The following SPIN1 variants were observed in gnomAD, a reference collection of about 807,000 sequenced individuals.
SPIN1 encodes spindlin 1.
A neutral mutation model predicts 26.0 loss-of-function variants in SPIN1; 3 were observed. The ratio of observed to expected loss-of-function variants is 0.12; its 90% CI spans 0.05 to 0.30. The LOEUF (loss-of-function observed/expected upper bound fraction) is 0.30. Ranked by LOEUF, SPIN1 falls within the 10% of genes least tolerant of loss-of-function variation. SPIN1 has a pLI of 1.00. For synonymous variants in SPIN1, 101 were observed against 116.5 expected, an observed-to-expected ratio of 0.87 and a Z score of 0.86; for missense variants, 126 against 333.4, an observed-to-expected ratio of 0.38 and a Z score of 4.84.
In SPIN1 at chr9:88,471,391, G is replaced by A. The variant is rs555650406; in HGVS notation, c.589+2786G>A. ...TGAATGGTTTTGGCATCCTTGTTGCGCGGTGGCTCACACCTGTAATCCCAG... is the reference window on the plus strand; with the variant it reads ...TGAATGGTTTTGGCATCCTTGTTGCACGGTGGCTCACACCTGTAATCCCAG... On this transcript the variant is annotated intron_variant, in intron 5 of 5. Transcript: ENST00000375859. 1.5e-4 allele frequency among the ~76,000 whole-genome samples: 23 copies of A among 151,780 alleles called. 2 individuals carry two copies. Among genetic ancestry groups the A allele is most frequent in the African/African-American group, 4.8e-4 (20 of 41,410 alleles).
intron 1 of SPIN1, among the ~76,000 whole-genome samples, chr9:88,405,065 G>C (rs1388566948): frequency 6.6e-6 from 1 of 151,970 alleles, no homozygotes; most frequent in East Asian, 1.9e-4. Flanking sequence ...CTTTCTTCTG[G>C]AGTACCTCCT....
chr9:88,405,476 C>G (rs1012261169), intron 1 of SPIN1, among the ~76,000 whole-genome samples: 2 of 151,642 alleles, frequency 1.3e-5, no homozygotes, highest in Non-Finnish European at 2.9e-5. Flanking sequence ...ATCCGCCCAC[C>G]TCGCCCTCCC....
chr9:88,477,433 A>C lies in SPIN1; in HGVS notation c.*2156A>C, dbSNP rs879789137. ...ACTTTAATGACTTTTTTTATACCACATGGTCTCCCAGTTTCTAGATGAATG... is the reference window on the plus strand; with the variant it reads ...ACTTTAATGACTTTTTTTATACCACCTGGTCTCCCAGTTTCTAGATGAATG... On this transcript the variant is annotated 3_prime_UTR_variant, in exon 6 of 6. Transcript: ENST00000375859. 1.3e-5 allele frequency: 2 copies of C among 152,204 alleles called. No individual in the cohort carries two copies. The highest frequency in any genetic ancestry group is 1.3e-4 in the Admixed American group (2 of 15,274). The allele number at this position is 152,204 out of a possible 1,614,324, so 9.4% of individuals were successfully genotyped here. A position where few individuals can be genotyped will look rare whatever the true frequency, so the allele number is the denominator to read the frequency against.
chr9:88,438,696 A>G (rs1246472548), intron 2 of SPIN1, among the ~76,000 whole-genome samples: 1 of 152,232 alleles, frequency 6.6e-6, no homozygotes, highest in Non-Finnish European at 1.5e-5. Flanking sequence ...CCATAACCAT[A>G]ATATAGGTTG....
At chr9:88,411,140 A>G (rs1287399652) in intron 1 of SPIN1, 38 of 1,498,654 alleles carry the variant, frequency 2.5e-5, no homozygotes, top group African/African-American at 5.5e-5. Flanking sequence ...GCCACCAACA[A>G]ATATCTTTTT....
chr9:88,434,496 C>T (rs1827959344), intron 2 of SPIN1, among the ~76,000 whole-genome samples: 1 of 151,800 alleles, frequency 6.6e-6, no homozygotes, highest in Non-Finnish European at 1.5e-5. Flanking sequence ...CTTCTGTTTT[C>T]CACTGGAAAG....
chr9:88,457,923 A>T, intron 3 of SPIN1: 1 of 985,320 alleles, frequency 1.0e-6, no homozygotes, highest in African/African-American at 1.7e-5. Flanking sequence ...ACCAATTTGT[A>T]ACAAAAGTCT....
At position 88,469,609 on chromosome 9, in the gene SPIN1, C is replaced by T. The variant is rs181017351; in HGVS notation, c.589+1004C>T. 1.7e-3 allele frequency among the ~76,000 whole-genome samples: 258 copies of T among 152,028 alleles called. 3 individuals are homozygous for T. The East Asian group carries it at 0.036, about 21-fold the overall frequency. On this transcript the variant is annotated intron_variant, in intron 5 of 5. Transcript: ENST00000375859. ...GGCTCACTGCAACCTCCGCCTCCCA[C>T]GCTCAAGCGAGTCTTCTGCCCCAGC...
At chr9:88,399,874 G>T (rs563771714) in intron 1 of SPIN1, among the ~76,000 whole-genome samples, 1 of 152,180 alleles carries the variant, frequency 6.6e-6, no homozygotes, top group African/African-American at 2.4e-5. Context: ...GGACCCGAAG[G>T]TTTCTGTGAC....
At chr9:88,440,110 A>C (rs887596368) in intron 2 of SPIN1, among the ~76,000 whole-genome samples, 2 of 149,882 alleles carry the variant, frequency 1.3e-5, no homozygotes, top group African/African-American at 4.9e-5. Flanking sequence ...ATATGATTCC[A>C]CCTTTTTCCC....
chr9:88,444,577 G>A (rs1365888465), intron 2 of SPIN1, among the ~76,000 whole-genome samples: 1 of 151,438 alleles, frequency 6.6e-6, no homozygotes, highest in African/African-American at 2.4e-5. Context: ...CAGTTTCCTT[G>A]GAGATGCCAA....
chr9:88,451,830 G>A (rs1179452301), intron 3 of SPIN1, among the ~76,000 whole-genome samples: 1 of 152,120 alleles, frequency 6.6e-6, no homozygotes, highest in Non-Finnish European at 1.5e-5. Context: ...CAAAGTGCTG[G>A]GATTATAGGC....
chr9:88,444,680 CCTTTT>C (rs1360684814), intron 2 of SPIN1, among the ~76,000 whole-genome samples: 10 of 148,944 alleles, frequency 6.7e-5, no homozygotes, highest in Non-Finnish European at 1.2e-4. Context: ...GAATGGTTTA[CCTTTT>C]CTTTTCTTTT....
intron 1 of SPIN1, among the ~76,000 whole-genome samples, chr9:88,408,957 C>T (rs1367886099): frequency 1.4e-5 from 2 of 144,032 alleles, no homozygotes; most frequent in South Asian, 2.2e-4. Context: ...CCACAGCGCC[C>T]GGCCCTTTTG....
intron 1 of SPIN1, chr9:88,411,133 A>C (rs1337023247): frequency 6.7e-7 from 1 of 1,503,628 alleles, no homozygotes; most frequent in Non-Finnish European, 9.1e-7. Flanking sequence ...CTTTAATGCC[A>C]CCAACAAATA....
At chr9:88,437,545 C>CTA (rs951058999) in intron 2 of SPIN1, among the ~76,000 whole-genome samples, 23 of 151,710 alleles carry the variant, frequency 1.5e-4, no homozygotes, top group African/African-American at 5.6e-4. Context: ...AATGAAGCTG[C>CTA]TATATATATC....
intron 4 of SPIN1, among the ~76,000 whole-genome samples, chr9:88,464,728 T>G (rs1040358109): frequency 1.3e-5 from 2 of 151,778 alleles, no homozygotes; most frequent in Non-Finnish European, 2.9e-5. Flanking sequence ...CTATTCAAAG[T>G]GCAAGACTAA....
intron 1 of SPIN1, chr9:88,411,029 T>A: frequency 1.3e-6 from 2 of 1,583,490 alleles, no homozygotes; most frequent in Non-Finnish European, 1.7e-6. Flanking sequence ...AAAGCCCCTT[T>A]TCTTGCCACT....
intron 2 of SPIN1, among the ~76,000 whole-genome samples, chr9:88,435,369 C>T (rs1419908621): frequency 6.6e-6 from 1 of 152,002 alleles, no homozygotes; most frequent in Non-Finnish European, 1.5e-5. Flanking sequence ...CATGCACCAC[C>T]ACACCCGGCT....
Sources: gnomAD v4.1 joint callset for allele counts (sites outside exome capture counted in the v4.1 genomes callset) on GRCh38, gnomAD v4.1.1 for gene constraint, MANE v1.5 for transcripts, NCBI Gene and HGNC (gene_info 2026-07-23, HGNC 2026-07-21) for gene names.